The following MYO1G variants were observed in gnomAD, a reference collection of about 807,000 sequenced individuals.
The protein encoded by MYO1G is myosin IG.
In MYO1G, 65 loss-of-function variants were observed where a neutral mutation model predicts 115.3. The ratio of observed to expected loss-of-function variants is 0.56; its 90% CI spans 0.46 to 0.69. The LOEUF is 0.69. Ranked by LOEUF, MYO1G falls within the 30% of genes least tolerant of loss-of-function variation. The probability of loss-of-function intolerance (pLI) is 0.00; values close to 1 mark genes in which losing one functional copy is unlikely to be tolerated. For missense variants in MYO1G, 1,204 were observed against 1,393.5 expected, an observed-to-expected ratio of 0.86 and a Z score of 2.16; for synonymous variants, 510 against 552.6, an observed-to-expected ratio of 0.92 and a Z score of 1.08.
rs894310391 is a variant in MYO1G, at chr7:44,969,628, C to T, written c.1503+77G>A. 1.9e-5 allele frequency: 30 copies of T among 1,587,072 alleles called. No homozygotes were observed. Among genetic ancestry groups the T allele is most frequent in the African/African-American group, 6.7e-5 (5 of 74,568 alleles). ...AAGCTGGGTCCCCAACCAGGCCCCA[C>T]GAGGCATGGGCAGCATGGTGCCTGT... On this transcript the variant is annotated intron_variant, in intron 11 of 21. Transcript: ENST00000258787. The surrounding 1 kb of genome is among the most constrained non-coding windows in gnomAD (Gnocchi z 5.0).
At position 44,970,961 on chromosome 7, in the gene MYO1G, C is replaced by T. The variant is rs146177111; in HGVS notation, c.945G>A (p.Thr315=). 1.4e-4 allele frequency: 229 copies of T among 1,613,322 alleles called. No homozygotes were observed. The highest frequency in any genetic ancestry group is 3.2e-4 in the South Asian group (29 of 91,084). The change falls in exon 8 of 22, where the codon ACG becomes ACA. Residue 315 remains threonine, a synonymous_variant. Transcript: ENST00000258787. ...EALVDHVAEL[T]ATPRDLVLRS... ...GGAGCACGAGGTCCCGGGGTGTGGC[C>T]GTCAGCTCAGCCACATGGTCCACCA...
At chr7:44,971,342 A>G (rs1291182329) in intron 7 of MYO1G, among the ~76,000 whole-genome samples, 1 of 152,236 alleles carries the variant, frequency 6.6e-6, no homozygotes, top group Middle Eastern at 3.2e-3. Flanking sequence ...GGAGCCCTGC[A>G]CTACTTACTC....
rs547276666 is a variant in MYO1G, at chr7:44,970,907, C to T, written c.999G>A (p.Ser333=). The T allele has an allele frequency of 8.1e-5, 130 of 1,613,504 alleles. No homozygotes were observed. Among genetic ancestry groups the T allele is most frequent in the East Asian group, 5.8e-4 (26 of 44,876 alleles). Residue 333 remains serine, a synonymous_variant, in exon 8 of 22, where the codon TCG becomes TCA. Coordinates refer to ENST00000258787, the MANE Select transcript of MYO1G (RefSeq NM_033054.3). The stretch of plus-strand genomic sequence containing the variant: ...CCTTCTCTATGAGTTCCCTGCCTCC[C>T]GAGGCAACTGTGCGAGCCAGCAGGG... The part of the protein sequence containing the change: ...LRSLLARTVA[S]GGRELIEKGH...
rs1417100521 is a variant in MYO1G, at chr7:44,966,016, G to C, written c.2157+57C>G. The C allele has an allele frequency of 6.3e-7, 1 of 1,589,054 alleles. No individual in the cohort carries two copies. The highest frequency in any genetic ancestry group is 2.2e-5 in the East Asian group (1 of 44,588). On this transcript the variant is annotated intron_variant, in intron 16 of 21. Coordinates refer to ENST00000258787, the MANE Select transcript of MYO1G (RefSeq NM_033054.3). The surrounding 1 kb of genome is among the most constrained non-coding windows in gnomAD (Gnocchi z 5.0). ...ACTTACAAGTGTGTTTGTGGCCCCT[G>C]GGACACAAGCTTTCCCCACCTCCAT...
rs1794930058 is a variant in MYO1G, at chr7:44,970,256, G to T, written c.1218-102C>A. 10 of 872,630 alleles carry T rather than the reference G, an allele frequency of 1.1e-5. No individual in the cohort carries two copies. The South Asian group carries it at 1.4e-4, about 12-fold the overall frequency. 54.1% of individuals were successfully genotyped at this position (872,630 alleles called of 1,614,324 possible). A position where few individuals can be genotyped will look rare whatever the true frequency, so the allele number is the denominator to read the frequency against. On this transcript the variant is annotated intron_variant, in intron 9 of 21. Transcript: ENST00000258787. ...ACATCTCTGCTAATGTTCATTGAGG[G>T]TTCTGGTGCCAGCACCCTGTGTGGC...
At chr7:44,976,091 G>A (rs1006349129) in intron 3 of MYO1G, among the ~76,000 whole-genome samples, 1 of 152,234 alleles carries the variant, frequency 6.6e-6, no homozygotes, top group Admixed American at 6.5e-5. Flanking sequence ...TTGATAGGAA[G>A]AGACAGGCAC....
At position 44,966,311 on chromosome 7, in the gene MYO1G, AG is replaced by A; in HGVS notation, c.1950-32del. ...ACCACAGGACAGGGCAGTGTGGCCCAGGCCTGGGGGAGAGATGATGGAGCCC... is the reference window on the plus strand; with the variant it reads ...ACCACAGGACAGGGCAGTGTGGCCCAGCCTGGGGGAGAGATGATGGAGCCC... On this transcript the variant is annotated intron_variant, in intron 15 of 21. Coordinates refer to ENST00000258787, the MANE Select transcript of MYO1G (RefSeq NM_033054.3). The surrounding 1 kb of genome is among the most constrained non-coding windows in gnomAD (Gnocchi z 5.0). 4 of 1,557,368 alleles carry A rather than the reference AG, an allele frequency of 2.6e-6. No homozygotes were observed. Among genetic ancestry groups the A allele is most frequent in the Non-Finnish European group, 3.5e-6 (4 of 1,147,888 alleles).
rs1482152812 is a variant in MYO1G, at chr7:44,969,524, G to A, written c.1504-41C>T. ...GAGGTCAAGGCACAAAAGGTATGTG[G>A]AGGGTCTGTATGAAGGGATAGCCCT... On this transcript the variant is annotated intron_variant, in intron 11 of 21. Transcript: ENST00000258787. This position sits in a 1 kb window ranked among gnomAD's most constrained non-coding sequence, Gnocchi z 5.0. The A allele has an allele frequency of 2.5e-6, 4 of 1,609,600 alleles. No individual in the cohort carries two copies. Among genetic ancestry groups the A allele is most frequent in the Non-Finnish European group, 3.4e-6 (4 of 1,176,492 alleles).
intron 12 of MYO1G, chr7:44,968,508 T>C (rs1794893545): frequency 6.6e-6 from 1 of 150,508 alleles, no homozygotes; most frequent in Non-Finnish European, 1.5e-5. Flanking sequence ...GAATGGATTT[T>C]TTTTTTTTTT....
chr7:44,972,292 C>T (rs1794973819), intron 5 of MYO1G, 67 bp from the exon 6 acceptor site: 2 of 1,169,422 alleles, frequency 1.7e-6, no homozygotes, highest in East Asian at 2.3e-5. Flanking sequence ...CACACACAGG[C>T]AGGAGAACAA....
In MYO1G at chr7:44,965,000, C is replaced by G; in HGVS notation, c.2471G>C (p.Gly824Ala). Residue 824 changes from glycine (G) to alanine (A), a missense_variant, in exon 18 of 22, where the codon GGG becomes GCG. Transcript: ENST00000258787. The surrounding 1 kb of genome is among the most constrained non-coding windows in gnomAD (Gnocchi z 5.1). ...AKVAAMGALQGLRQDWGCRRA... is the reference protein window; with the variant it reads ...AKVAAMGALQALRQDWGCRRA... ...TCGGCAGCCCCAGTCCTGACGAAGCCCTTGCAGGGCCCCCATGGCGGCCAC... is the reference window on the plus strand; with the variant it reads ...TCGGCAGCCCCAGTCCTGACGAAGCGCTTGCAGGGCCCCCATGGCGGCCAC... 1 of 1,610,464 alleles carries G rather than the reference C, an allele frequency of 6.2e-7. No homozygotes were observed. Among genetic ancestry groups the G allele is most frequent in the East Asian group, 2.2e-5 (1 of 44,794 alleles).
In MYO1G at chr7:44,966,156, A is replaced by C. The variant is rs1339633300; in HGVS notation, c.2074T>G (p.Phe692Val). The part of the protein sequence containing the change: ...GDVAFGHSKL[F>V]IRSPRTLVTL... ...ACCAGTGTCCGGGGTGAGCGGATGA[A>C]CAGCTTGCTGTGGCCAAAGGCCACG... is the stretch of plus-strand genomic sequence containing the variant. Residue 692 changes from phenylalanine to valine, a missense_variant, in exon 16 of 22, where the codon TTC becomes GTC. Phe to Val is a conservative substitution (Grantham distance 50). Coordinates refer to ENST00000258787, the MANE Select transcript of MYO1G (RefSeq NM_033054.3). This position sits in a 1 kb window ranked among gnomAD's most constrained non-coding sequence, Gnocchi z 5.0. 6.2e-7 allele frequency: 1 copy of C among 1,612,958 alleles called. No homozygotes were observed. The highest frequency in any genetic ancestry group is 1.7e-5 in the Admixed American group (1 of 59,986).
At chr7:44,972,522 C>T in intron 5 of MYO1G, 1 of 389,802 alleles carries the variant, frequency 2.6e-6, no homozygotes, top group Non-Finnish European at 4.9e-6. Flanking sequence ...TGCCCTCGAC[C>T]CAGGGGGATC....
Position 44,966,852 on chromosome 7 carries a change from G to C in MYO1G, c.1783-14C>G, listed in dbSNP as rs1794855625. 1 of 1,593,586 alleles carries C rather than the reference G, an allele frequency of 6.3e-7. No individual in the cohort carries two copies. The highest frequency in any genetic ancestry group is 8.6e-7 in the Non-Finnish European group (1 of 1,168,704). On this transcript the variant is annotated splice_polypyrimidine_tract_variant and intron_variant, in intron 14 of 21. Transcript: ENST00000258787. The surrounding 1 kb of genome is among the most constrained non-coding windows in gnomAD (Gnocchi z 5.0). ...GTAGAAGGGCTCCTGCAGGGACAGAGGGGACTTGGAGAGGGTCTGCGCCAG... is the reference window on the plus strand; with the variant it reads ...GTAGAAGGGCTCCTGCAGGGACAGACGGGACTTGGAGAGGGTCTGCGCCAG...
At chr7:44,978,353 CA>C (rs1219035419) in intron 1 of MYO1G, among the ~76,000 whole-genome samples, 1 of 152,210 alleles carries the variant, frequency 6.6e-6, no homozygotes, top group African/African-American at 2.4e-5. Context: ...AATGTCACCT[CA>C]ACTTGGTGGG....
At chr7:44,971,637 G>A (rs996075463) in intron 7 of MYO1G, 36 bp downstream of exon 7, 46 of 1,473,950 alleles carry the variant, frequency 3.1e-5, no homozygotes, top group Non-Finnish European at 4.2e-5. Flanking sequence ...ACCCTTGTGG[G>A]GAAGTAGCCC....
chr7:44,976,725 C>G, intron 2 of MYO1G, 68 bp from the exon 3 acceptor site: 1 of 1,599,506 alleles, frequency 6.3e-7, no homozygotes. Context: ...CCTGTGCCCA[C>G]TCACACCCCC....
Position 44,976,977 on chromosome 7 carries a change from C to A in MYO1G, c.190G>T (p.Ala64Ser), listed in dbSNP as rs757215110. 6.2e-7 allele frequency: 1 copy of A among 1,613,552 alleles called. No individual in the cohort carries two copies. The highest frequency in any genetic ancestry group is 1.7e-5 in the Admixed American group (1 of 60,012). Residue 64 changes from alanine to serine, a missense_variant, in exon 2 of 22, where the codon GCC (alanine) becomes TCC (serine). Coordinates refer to ENST00000258787, the MANE Select transcript of MYO1G (RefSeq NM_033054.3). The stretch of plus-strand genomic sequence containing the variant: ...TAGAGCTCACGGCCCTGGTACCTGG[C>A]GATGGCCTCAGGCCCATACAGGGGC... ...ELPLYGPEAIARYQGRELYER... is the reference protein window; with the variant it reads ...ELPLYGPEAISRYQGRELYER...
Position 44,962,795 on chromosome 7 carries a change from C to G in MYO1G, c.3001G>C (p.Glu1001Gln), listed in dbSNP as rs1794770916. ...CCGCGAGCGCAGCGGAAATCGGGCT[C>G]TGGCTGCTCCGGCCTGGGCTCCACG... Reference protein sequence around the residue: ...ISVEPRPEQPEPDFRCARGSF... With the variant: ...ISVEPRPEQPQPDFRCARGSF... Residue 1001 changes from glutamate to glutamine, a missense_variant, in exon 22 of 22, where the codon GAG becomes CAG. By Grantham distance (29) the Glu-to-Gln change is conservative. Coordinates refer to ENST00000258787, the MANE Select transcript of MYO1G (RefSeq NM_033054.3). The surrounding 1 kb of genome is among the most constrained non-coding windows in gnomAD (Gnocchi z 5.3). 1 of 1,512,836 alleles carries G rather than the reference C, an allele frequency of 6.6e-7. No homozygotes were observed. The highest frequency in any genetic ancestry group is 8.8e-7 in the Non-Finnish European group (1 of 1,137,506). 93.7% of individuals were successfully genotyped at this position (1,512,836 alleles called of 1,614,324 possible). A position where few individuals can be genotyped will look rare whatever the true frequency, so the allele number is the denominator to read the frequency against.
Sources: gnomAD v4.1 joint callset for allele counts (sites outside exome capture counted in the v4.1 genomes callset) on GRCh38, gnomAD v4.1.1 for gene constraint, Gnocchi (gnomAD v3.1) non-coding constraint, MANE v1.5 for transcripts, NCBI Gene and HGNC (gene_info 2026-07-23, HGNC 2026-07-21) for gene names.